INVS: variants seen among roughly 807,000 people sequenced by gnomAD.
The protein encoded by INVS is inversin.
Under a neutral mutation model 108.8 loss-of-function variants are expected in INVS, and 86 were observed. The observed-to-expected ratio is 0.79, with a 90% confidence interval of 0.66 to 0.95. The LOEUF (loss-of-function observed/expected upper bound fraction) is 0.95, where lower values mean the gene tolerates loss of function less well. Among genes scored for constraint, INVS ranks in the 40% least tolerant of loss-of-function variants. The probability of loss-of-function intolerance (pLI) is 0.00; values close to 1 mark genes in which losing one functional copy is unlikely to be tolerated. For missense variants in INVS, 1,169 were observed against 1,297.4 expected (o/e 0.90, Z 1.52); for synonymous variants, 455 against 473.5 (o/e 0.96, Z 0.51).
intron 5 of INVS, 110 bp from the exon 6 acceptor site, chr9:100,239,950 C>T: frequency 1.0e-6 from 1 of 996,282 alleles, no homozygotes; most frequent in Non-Finnish European, 1.6e-6. Context: ...ACCTGGGTGA[C>T]AGAACAAGAC....
At chr9:100,118,093 G>C (rs1356649595) in intron 2 of INVS, among the ~76,000 whole-genome samples, 1 of 150,404 alleles carries the variant, frequency 6.6e-6, no homozygotes, top group East Asian at 1.9e-4. Context: ...TTAGATATGG[G>C]GTCTTGCTAT....
chr9:100,230,688 T>C lies in INVS; in HGVS notation c.615+861T>C, dbSNP rs183159272. ...CGTGCGCCACCGTGCCTGGCTAATT[T>C]CCGTATTTTTAGTAGAGACCGGGTT... is the stretch of plus-strand genomic sequence containing the variant. On this transcript the variant is annotated intron_variant, in intron 5 of 16. Transcript: ENST00000262457. Among the ~76,000 whole-genome samples the C allele has an allele frequency of 6.7e-3, 1,022 of 152,088 alleles. 5 individuals carry two copies. The highest frequency in any genetic ancestry group is 0.01 in the Admixed American group (155 of 15,278).
At chr9:100,106,413 T>G (rs1827184500) in intron 2 of INVS, among the ~76,000 whole-genome samples, 1 of 152,222 alleles carries the variant, frequency 6.6e-6, no homozygotes, top group South Asian at 2.1e-4. Context: ...ATTGTTTCCA[T>G]TATTTAAAAA....
rs764615068 is a variant in INVS at position 100,264,838 on chromosome 9, A to C, written c.1481A>C (p.His494Pro). The change falls in exon 11 of 17, where the codon CAT becomes CCT. Residue 494 changes from histidine to proline, a missense_variant. Around this residue, in one of 3 missense-constraint regions of INVS, gnomAD observed 271 missense variants for 363.8 expected, o/e 0.74. Coordinates refer to ENST00000262457, the MANE Select transcript of INVS (RefSeq NM_014425.5). ...IQDKEGRTAL[H>P]WSCNNGYLDA... ...TGCTTATAGGGAAGAACAGCTTTGC[A>C]TTGGTCCTGCAACAATGGATACCTT... 3.7e-6 allele frequency: 6 copies of C among 1,613,120 alleles called. No homozygotes were observed. Among genetic ancestry groups the C allele is most frequent in the Non-Finnish European group, 5.1e-6 (6 of 1,179,300 alleles).
At chr9:100,229,885 AT>A in intron 5 of INVS, 58 bp downstream of exon 5, 1 of 1,497,700 alleles carries the variant, frequency 6.7e-7, no homozygotes. Context: ...ATTATGAATT[AT>A]TTAATATATA....
intron 3 of INVS, among the ~76,000 whole-genome samples, chr9:100,183,659 G>A (rs1829961633): frequency 6.6e-6 from 1 of 151,806 alleles, no homozygotes; most frequent in Non-Finnish European, 1.5e-5. Context: ...TGGGTGTGGT[G>A]ATGCGCCTGT....
intron 3 of INVS, among the ~76,000 whole-genome samples, chr9:100,161,647 G>A (rs1231249435): frequency 6.6e-6 from 1 of 151,630 alleles, no homozygotes; most frequent in African/African-American, 2.4e-5. Flanking sequence ...GGATGGATGG[G>A]TGGGTGGATG....
chr9:100,118,069 CTTT>C (rs757283860), intron 2 of INVS, among the ~76,000 whole-genome samples: 2 of 138,006 alleles, frequency 1.4e-5, no homozygotes, highest in Admixed American at 7.3e-5. Flanking sequence ...CTTTTTTTTT[CTTT>C]TTTTTTTTTT....
At chr9:100,272,732 T>TAG (rs760075715) in intron 11 of INVS, 132 bp from the exon 12 acceptor site, 54 of 818,382 alleles carry the variant, frequency 6.6e-5, no homozygotes, top group Non-Finnish European at 1.0e-4. Flanking sequence ...ATAGAGAAGG[T>TAG]GGCTTTGCCT....
At chr9:100,246,347 T>C (rs1416284069) in intron 7 of INVS, among the ~76,000 whole-genome samples, 1 of 152,176 alleles carries the variant, frequency 6.6e-6, no homozygotes, top group Non-Finnish European at 1.5e-5. Context: ...TTGAAGATGA[T>C]TATTTTCCAT....
chr9:100,224,760 C>T (rs920751278), intron 3 of INVS, among the ~76,000 whole-genome samples: 5 of 151,916 alleles, frequency 3.3e-5, no homozygotes, highest in Admixed American at 1.3e-4. Context: ...GGATTACAGG[C>T]GCCTGCCACC....
intron 3 of INVS, among the ~76,000 whole-genome samples, chr9:100,193,471 A>G (rs1830285324): frequency 6.6e-6 from 1 of 152,190 alleles, no homozygotes. Flanking sequence ...ATTTTCTTGA[A>G]TGTAATTGAT....
intron 16 of INVS, among the ~76,000 whole-genome samples, chr9:100,298,720 T>TG (rs1007735217): frequency 2.0e-5 from 3 of 151,210 alleles, no homozygotes; most frequent in East Asian, 3.9e-4. Flanking sequence ...AGTTTTTTGA[T>TG]GGGGGGCAAA....
chr9:100,275,542 G>A (rs547839310), intron 12 of INVS, among the ~76,000 whole-genome samples: 30 of 152,256 alleles, frequency 2.0e-4, no homozygotes, highest in African/African-American at 5.8e-4. Context: ...TTAATTTTGC[G>A]TTTAATTCTT....
chr9:100,257,144 A>T (rs1249907343), intron 10 of INVS, among the ~76,000 whole-genome samples: 1 of 152,130 alleles, frequency 6.6e-6, no homozygotes, highest in South Asian at 2.1e-4. Context: ...TGTTGAATTG[A>T]TCCCTTTACC....
intron 3 of INVS, among the ~76,000 whole-genome samples, chr9:100,213,625 T>C (rs907651595): frequency 6.6e-6 from 1 of 152,174 alleles, no homozygotes; most frequent in Non-Finnish European, 1.5e-5. Context: ...TAACAATAGA[T>C]ACGAGACTCC....
intron 3 of INVS, among the ~76,000 whole-genome samples, chr9:100,221,522 G>A (rs188343259): frequency 2.6e-5 from 4 of 152,146 alleles, no homozygotes; most frequent in African/African-American, 9.6e-5. Flanking sequence ...AAATTATATT[G>A]TTTCTAGTCC....
At chr9:100,256,637 A>C (rs1832430499) in intron 10 of INVS, among the ~76,000 whole-genome samples, 1 of 152,162 alleles carries the variant, frequency 6.6e-6, no homozygotes, top group Non-Finnish European at 1.5e-5. Flanking sequence ...ATTGGTTTCA[A>C]AGAACATCTT....
intron 5 of INVS, among the ~76,000 whole-genome samples, chr9:100,236,117 C>A (rs1831679791): frequency 6.6e-6 from 1 of 152,144 alleles, no homozygotes; most frequent in Non-Finnish European, 1.5e-5. Flanking sequence ...GATCTTCAGT[C>A]TCTGATATCC....
Sources: allele counts gnomAD v4.1 joint callset (sites outside exome capture counted in the v4.1 genomes callset), GRCh38; gene constraint gnomAD v4.1.1; regional missense constraint gnomAD v4.1.1; transcripts MANE v1.5; gene names NCBI Gene and HGNC (gene_info 2026-07-23, HGNC 2026-07-21).